The following TMOD2 variants were observed in gnomAD, a reference collection of about 807,000 sequenced individuals.
TMOD2 encodes the protein tropomodulin-2.
A neutral mutation model predicts 39.9 loss-of-function variants in TMOD2; 22 were observed. That is an observed-to-expected ratio of 0.55 (90% CI 0.39 to 0.79). The LOEUF (loss-of-function observed/expected upper bound fraction) is 0.79, where lower values mean the gene tolerates loss of function less well. Ranked by LOEUF, TMOD2 falls within the 30% of genes least tolerant of loss-of-function variation. The pLI is 0.00. For synonymous variants in TMOD2, 123 were observed against 146.1 expected, an observed-to-expected ratio of 0.84 and a Z score of 1.14; for missense variants, 386 against 413.3, an observed-to-expected ratio of 0.93 and a Z score of 0.57.
chr15:51,785,643 G>C (rs1053302832), intron 7 of TMOD2, among the ~76,000 whole-genome samples: 1 of 152,100 alleles, frequency 6.6e-6, no homozygotes, highest in Non-Finnish European at 1.5e-5. Flanking sequence ...TGGAGGTAAA[G>C]AGTAGAATGG....
intron 9 of TMOD2, among the ~76,000 whole-genome samples, chr15:51,807,469 C>CT (rs1170624984): frequency 5.3e-5 from 8 of 152,194 alleles, no homozygotes; most frequent in Non-Finnish European, 8.8e-5. Flanking sequence ...GGACACGTGA[C>CT]AGTGCTTACC....
At chr15:51,781,270 G>A in intron 6 of TMOD2, 96 bp downstream of exon 6, 16 of 1,143,416 alleles carry the variant, frequency 1.4e-5, no homozygotes, top group Non-Finnish European at 1.9e-5. Context: ...CCTGTTTGCA[G>A]TTCTTTGTAG....
At chr15:51,793,938 G>A (rs868448913) in intron 7 of TMOD2, among the ~76,000 whole-genome samples, 2 of 152,350 alleles carry the variant, frequency 1.3e-5, no homozygotes, top group African/African-American at 4.8e-5. Flanking sequence ...CAAGGACCTA[G>A]CACAGAATAA....
At chr15:51,773,867 G>C (rs968229027) in intron 4 of TMOD2, 33 bp downstream of exon 4, 3 of 1,584,520 alleles carry the variant, frequency 1.9e-6, no homozygotes, top group Non-Finnish European at 8.5e-7. Context: ...TTTCCTGTCT[G>C]GCTCTATGAC....
At chr15:51,806,047 A>G (rs1405944872) in intron 8 of TMOD2, among the ~76,000 whole-genome samples, 1 of 152,238 alleles carries the variant, frequency 6.6e-6, no homozygotes, top group East Asian at 1.9e-4. Flanking sequence ...AACCACAGAT[A>G]CTGGGATGAA....
At chr15:51,795,609 T>A (rs2056045373) in intron 7 of TMOD2, among the ~76,000 whole-genome samples, 1 of 131,102 alleles carries the variant, frequency 7.6e-6, no homozygotes, top group Non-Finnish European at 1.7e-5. Flanking sequence ...TTTCTTTCTT[T>A]CTTTCTTTCT....
chr15:51,782,591 T>C, intron 6 of TMOD2, 130 bp from the exon 7 acceptor site: 1 of 719,940 alleles, frequency 1.4e-6, no homozygotes, highest in Non-Finnish European at 2.3e-6. Context: ...GGCTAGGTAA[T>C]GACCCTCATT....
At chr15:51,783,585 C>T (rs2055946778) in intron 7 of TMOD2, 1 of 151,874 alleles carries the variant, frequency 6.6e-6, no homozygotes, top group Admixed American at 6.6e-5. Flanking sequence ...GTGTTTGACA[C>T]CAGAATGTGA....
chr15:51,797,343 A>T (rs2056058054), intron 7 of TMOD2, among the ~76,000 whole-genome samples: 1 of 152,112 alleles, frequency 6.6e-6, no homozygotes, highest in African/African-American at 2.4e-5. Flanking sequence ...AGGTGCTGGG[A>T]GGGATAGTGT....
At chr15:51,799,510 C>T (rs150944806) in intron 8 of TMOD2, among the ~76,000 whole-genome samples, 1 of 129,662 alleles carries the variant, frequency 7.7e-6, no homozygotes, top group Non-Finnish European at 1.8e-5. Context: ...TGTTTGTTGC[C>T]AGGGGAACAC....
At chr15:51,761,451 G>T (rs1196080821) in intron 1 of TMOD2, among the ~76,000 whole-genome samples, 1 of 152,194 alleles carries the variant, frequency 6.6e-6, no homozygotes, top group African/African-American at 2.4e-5. Context: ...TAGAGGCTGG[G>T]CACTGTGGCT....
intron 4 of TMOD2, 96 bp downstream of exon 4, chr15:51,773,930 A>T: frequency 7.2e-7 from 1 of 1,386,758 alleles, no homozygotes; most frequent in South Asian, 1.4e-5. Flanking sequence ...TCTCTTAGGT[A>T]GGAGAATGAC....
At chr15:51,767,449 A>G (rs1002921554) in intron 2 of TMOD2, among the ~76,000 whole-genome samples, 1 of 152,240 alleles carries the variant, frequency 6.6e-6, no homozygotes, top group Non-Finnish European at 1.5e-5. Flanking sequence ...GTTCATTTCA[A>G]TGGAGTTTCT....
At chr15:51,782,263 G>A (rs2055935918) in intron 6 of TMOD2, among the ~76,000 whole-genome samples, 1 of 152,092 alleles carries the variant, frequency 6.6e-6, no homozygotes, top group Non-Finnish European at 1.5e-5. Flanking sequence ...ATGCTACCTA[G>A]GAGATCCAGT....
intron 7 of TMOD2, among the ~76,000 whole-genome samples, chr15:51,789,546 A>G (rs893097633): frequency 2.0e-5 from 3 of 152,220 alleles, no homozygotes; most frequent in East Asian, 1.9e-4. Flanking sequence ...CCCGAAATCA[A>G]CAGAATGTAC....
chr15:51,752,149 G>A (rs1454900791), intron 1 of TMOD2, among the ~76,000 whole-genome samples: 1 of 152,146 alleles, frequency 6.6e-6, no homozygotes, highest in Non-Finnish European at 1.5e-5. Flanking sequence ...TTCAGCAGGC[G>A]ATGGGGAGGG....
chr15:51,770,471 C>T (rs2055845881), intron 3 of TMOD2, among the ~76,000 whole-genome samples: 1 of 152,130 alleles, frequency 6.6e-6, no homozygotes, highest in East Asian at 1.9e-4. Context: ...ACTTGATAAA[C>T]ATGGGTTCCA....
intron 7 of TMOD2, 70 bp downstream of exon 7, chr15:51,782,898 A>C (rs990225353): frequency 7.0e-7 from 1 of 1,432,526 alleles, no homozygotes; most frequent in African/African-American, 1.4e-5. Flanking sequence ...ACTTTGTTTC[A>C]TTAGCTAACA....
At chr15:51,790,387 C>A (rs1271912123) in intron 7 of TMOD2, among the ~76,000 whole-genome samples, 3 of 152,070 alleles carry the variant, frequency 2.0e-5, no homozygotes, top group African/African-American at 7.2e-5. Flanking sequence ...CAAAAAGAGT[C>A]CAGGACCAGA....
Sources: allele counts gnomAD v4.1 joint callset (sites outside exome capture counted in the v4.1 genomes callset), GRCh38; gene constraint gnomAD v4.1.1; transcripts MANE v1.5; gene names NCBI Gene and HGNC (gene_info 2026-07-23, HGNC 2026-07-21).